Variants in UBR1 observed in about 807,000 individuals in gnomAD.
The protein encoded by UBR1 is ubiquitin protein ligase E3 component n-recognin 1, also known as E3 ubiquitin-protein ligase UBR1.
A neutral mutation model predicts 242.1 loss-of-function variants in UBR1; 102 were observed. That is an observed-to-expected ratio of 0.42 (90% CI 0.36 to 0.50). The LOEUF (loss-of-function observed/expected upper bound fraction) is 0.50. Ranked by LOEUF, UBR1 falls within the 20% of genes least tolerant of loss-of-function variation. The probability of loss-of-function intolerance (pLI) is 0.01; values close to 1 mark genes in which losing one functional copy is unlikely to be tolerated. For synonymous variants in UBR1, 675 were observed against 684.8 expected (o/e 0.99, Z 0.22); for missense variants, 1,772 against 2,101.8 (o/e 0.84, Z 3.07).
intron 32 of UBR1, among the ~76,000 whole-genome samples, chr15:42,999,757 A>C (rs1226161612): frequency 6.6e-6 from 1 of 152,074 alleles, no homozygotes; most frequent in Non-Finnish European, 1.5e-5. Context: ...GAGCCCAAGA[A>C]GGTTGAGGCT....
chr15:43,002,950 C>T (rs919759145), intron 31 of UBR1, among the ~76,000 whole-genome samples: 3 of 152,178 alleles, frequency 2.0e-5, no homozygotes, highest in African/African-American at 7.2e-5. Context: ...TGAATCATAA[C>T]TCATCTCTTG....
intron 1 of UBR1, among the ~76,000 whole-genome samples, chr15:43,087,171 C>T (rs907198465): frequency 5.3e-5 from 8 of 152,146 alleles, no homozygotes; most frequent in East Asian, 1.9e-4. Flanking sequence ...TTTGGGAGGC[C>T]GAGGTGGGTG....
At chr15:43,066,064 C>G (rs1223842000) in intron 6 of UBR1, among the ~76,000 whole-genome samples, 1 of 152,068 alleles carries the variant, frequency 6.6e-6, no homozygotes, top group South Asian at 2.1e-4. Context: ...CTGAATGGTA[C>G]TGCCTAGATT....
chr15:42,981,220 G>A (rs547630392), intron 37 of UBR1, among the ~76,000 whole-genome samples: 34 of 152,032 alleles, frequency 2.2e-4, no homozygotes, highest in African/African-American at 7.7e-4. Flanking sequence ...TATGCCTGGG[G>A]CATTTAAGCC....
chr15:43,038,369 GA>G, intron 15 of UBR1, 137 bp from the exon 16 acceptor site: 1 of 772,502 alleles, frequency 1.3e-6, no homozygotes, highest in South Asian at 1.4e-5. Flanking sequence ...AGCACTTTGG[GA>G]GGCCTAGGTG....
chr15:43,048,630 C>A, intron 12 of UBR1, 139 bp from the exon 13 acceptor site: 1 of 689,622 alleles, frequency 1.5e-6, no homozygotes. Flanking sequence ...CTGAGTAGAG[C>A]TAGAATTATT....
chr15:42,973,110 A>G (rs966185293), intron 39 of UBR1, among the ~76,000 whole-genome samples: 3 of 152,206 alleles, frequency 2.0e-5, no homozygotes, highest in Admixed American at 6.5e-5. Flanking sequence ...GTTGAACATT[A>G]TGATCACTTA....
intron 29 of UBR1, among the ~76,000 whole-genome samples, chr15:43,013,870 C>A (rs1013751978): frequency 6.6e-6 from 1 of 151,552 alleles, no homozygotes; most frequent in East Asian, 2.0e-4. Flanking sequence ...TCCTCCCCTT[C>A]CCCCTCCCCC....
chr15:43,022,486 A>T (rs2033122786), intron 26 of UBR1, among the ~76,000 whole-genome samples: 1 of 152,048 alleles, frequency 6.6e-6, no homozygotes, highest in East Asian at 1.9e-4. Context: ...TGTAGTAAAG[A>T]TTATAGTAAG....
intron 43 of UBR1, 43 bp from the exon 44 acceptor site, chr15:42,958,133 AC>A: frequency 6.8e-7 from 1 of 1,464,826 alleles, no homozygotes. Flanking sequence ...AGAGTAAATA[AC>A]CCCAGATCAA....
chr15:42,946,887 C>T (rs1394741383), intron 46 of UBR1, among the ~76,000 whole-genome samples: 1 of 152,132 alleles, frequency 6.6e-6, no homozygotes, highest in African/African-American at 2.4e-5. Flanking sequence ...GTGGCTCATG[C>T]CTGTAATCCC....
At chr15:43,025,063 A>G (rs981935027) in intron 24 of UBR1, 80 bp from the exon 25 acceptor site, 1 of 1,542,648 alleles carries the variant, frequency 6.5e-7, no homozygotes, top group Non-Finnish European at 8.9e-7. Flanking sequence ...CTAAAGTGCA[A>G]ATGTCAAAAA....
chr15:43,072,805 G>C (rs1378478347), intron 4 of UBR1, among the ~76,000 whole-genome samples: 1 of 152,076 alleles, frequency 6.6e-6, no homozygotes, highest in African/African-American at 2.4e-5. Context: ...TATTTATATG[G>C]TGTATTACAT....
chr15:42,986,494 T>G (rs1245557759), intron 35 of UBR1, among the ~76,000 whole-genome samples: 1 of 152,200 alleles, frequency 6.6e-6, no homozygotes, highest in Non-Finnish European at 1.5e-5. Context: ...ATGCTTATCT[T>G]CCCCAAAATA....
At chr15:42,962,441 A>G (rs1596076712) in intron 42 of UBR1, among the ~76,000 whole-genome samples, 2 of 152,106 alleles carry the variant, frequency 1.3e-5, no homozygotes, top group Admixed American at 1.3e-4. Flanking sequence ...TGCCGTCACC[A>G]TCAGAGATGC....
At chr15:42,984,024 G>C (rs371333005) in intron 36 of UBR1, 31 bp from the exon 37 acceptor site, 1 of 1,554,592 alleles carries the variant, frequency 6.4e-7, no homozygotes, top group African/African-American at 1.4e-5. Context: ...AAGATAAAAA[G>C]ATGAGGGAAG....
chr15:43,077,159 G>C (rs1031187150), intron 3 of UBR1, among the ~76,000 whole-genome samples: 12 of 150,014 alleles, frequency 8.0e-5, no homozygotes, highest in African/African-American at 2.7e-4. Context: ...TGTGCCCAGC[G>C]GCTCATTGGG....
chr15:43,016,453 T>C (rs2033025460), intron 28 of UBR1, among the ~76,000 whole-genome samples: 1 of 152,228 alleles, frequency 6.6e-6, no homozygotes, highest in Non-Finnish European at 1.5e-5. Flanking sequence ...TTGCATTTCA[T>C]TGAATCTAAG....
At chr15:42,949,343 T>C (rs978589992) in intron 46 of UBR1, among the ~76,000 whole-genome samples, 1 of 150,700 alleles carries the variant, frequency 6.6e-6, no homozygotes, top group African/African-American at 2.4e-5. Context: ...GATGAGTTAA[T>C]GGGTGCAGCA....
Sources: gnomAD v4.1 joint callset for allele counts (sites outside exome capture counted in the v4.1 genomes callset) on GRCh38, gnomAD v4.1.1 for gene constraint, MANE v1.5 for transcripts, NCBI Gene and HGNC (gene_info 2026-07-23, HGNC 2026-07-21) for gene names.